Variants in TMEM51 observed in about 807,000 individuals in gnomAD.
TMEM51 encodes transmembrane protein 51.
In TMEM51, 8 loss-of-function variants were observed where a neutral mutation model predicts 13.6. The observed-to-expected ratio is 0.59, with a 90% CI of 0.35 to 1.07. TMEM51 has a LOEUF of 1.07. TMEM51 is among the 50% of genes least tolerant of loss of function. The pLI, the probability that TMEM51 is intolerant of heterozygous loss-of-function variation, is 0.02. For missense variants in TMEM51, 279 were observed against 330.7 expected, an observed-to-expected ratio of 0.84 and a Z score of 1.21; for synonymous variants, 147 against 144.4, an observed-to-expected ratio of 1.02 and a Z score of -0.13.
chr1:15,204,029 C>CT lies in TMEM51; in HGVS notation c.-266-6455dup, dbSNP rs761056772. ...TAAATTCTCATCTGTGACTTCTCTC[C>CT]TTTTTTCTGCAAAATGCCCCTTGGG... On this transcript the variant is annotated intron_variant, in intron 1 of 3. Transcript: ENST00000376008. Among the ~76,000 whole-genome samples, 15 of 152,334 alleles carry CT rather than the reference C, an allele frequency of 9.8e-5. No individual in the cohort carries two copies. The East Asian group carries it at 1.2e-3, about 12-fold the overall frequency.
At chr1:15,167,835 C>G (rs115497188) in intron 1 of TMEM51, among the ~76,000 whole-genome samples, 2,989 of 152,318 alleles carry the variant, frequency 0.02, 43 homozygotes, top group South Asian at 0.031. Flanking sequence ...ATGACTCTCC[C>G]TTTCCCATAT....
At chr1:15,214,853 C>T (rs111286058) in intron 2 of TMEM51, 42 bp from the exon 3 acceptor site, 15 of 537,392 alleles carry the variant, frequency 2.8e-5, no homozygotes, top group African/African-American at 2.5e-4. Flanking sequence ...CGTCTGGAAT[C>T]GGAACTGATC....
intron 1 of TMEM51, among the ~76,000 whole-genome samples, chr1:15,199,699 G>T (rs1373505600): frequency 6.6e-6 from 1 of 152,142 alleles, no homozygotes; most frequent in African/African-American, 2.4e-5. Flanking sequence ...GCTCTGAAAT[G>T]ATATACTTTC....
intron 1 of TMEM51, among the ~76,000 whole-genome samples, chr1:15,202,838 C>T (rs1644182401): frequency 6.6e-6 from 1 of 152,158 alleles, no homozygotes; most frequent in Non-Finnish European, 1.5e-5. Context: ...TGTGCCTGTT[C>T]CCAAATTCCA....
intron 1 of TMEM51, chr1:15,164,231 C>T (rs1642905122): frequency 2.4e-6 from 1 of 412,596 alleles, no homozygotes; most frequent in African/African-American, 2.1e-5. Flanking sequence ...CGCTGGATTT[C>T]CCACTGCATT....
intron 1 of TMEM51, chr1:15,192,105 A>G: frequency 2.1e-6 from 1 of 479,058 alleles, no homozygotes; most frequent in Non-Finnish European, 4.3e-6. Context: ...GGAGAGAATC[A>G]TTTCTGACCA....
intron 1 of TMEM51, among the ~76,000 whole-genome samples, chr1:15,177,120 A>G (rs1643477554): frequency 6.6e-6 from 1 of 152,182 alleles, no homozygotes; most frequent in African/African-American, 2.4e-5. Context: ...GGACAGAGCC[A>G]TGACTCAGCA....
intron 3 of TMEM51, among the ~76,000 whole-genome samples, chr1:15,218,242 A>G (rs1644459407): frequency 6.6e-6 from 1 of 152,242 alleles, no homozygotes; most frequent in Non-Finnish European, 1.5e-5. Context: ...GGAAGATAAA[A>G]TTACAGAATA....
chr1:15,168,579 C>A, intron 1 of TMEM51: 7 of 1,304,666 alleles, frequency 5.4e-6, no homozygotes, highest in Non-Finnish European at 7.1e-6. Flanking sequence ...CTAAGAGGAA[C>A]TGTGCCTGGC....
rs536872348 is a variant in TMEM51, at chr1:15,219,481, T to C, written c.500T>C (p.Leu167Pro). 1 of 1,614,002 alleles carries C rather than the reference T, an allele frequency of 6.2e-7. No homozygotes were observed. The highest frequency in any genetic ancestry group is 8.5e-7 in the Non-Finnish European group (1 of 1,180,016). ...SLPSYESLTG[L>P]DETTPTSTRA... Reference sequence around the variant, plus strand: ...CCGTCCTATGAGTCACTGACGGGGCTCGACGAGACCACCCCCACATCCACC... The same window carrying C: ...CCGTCCTATGAGTCACTGACGGGGCCCGACGAGACCACCCCCACATCCACC... Residue 167 changes from leucine (L) to proline (P), a missense_variant, in exon 4 of 4, where the codon CTC becomes CCC. By Grantham distance (98) the Leu-to-Pro change is moderately conservative (BLOSUM62 -3). Coordinates refer to ENST00000376008, the MANE Select transcript of TMEM51 (RefSeq NM_001136218.2).
At chr1:15,171,102 T>TGCC in intron 1 of TMEM51, 1 of 692,844 alleles carries the variant, frequency 1.4e-6, no homozygotes, top group Non-Finnish European at 2.2e-6. Context: ...TCCCTCCTCC[T>TGCC]CCACCCCCCG....
intron 1 of TMEM51, among the ~76,000 whole-genome samples, chr1:15,202,570 C>A (rs1196001075): frequency 1.3e-5 from 2 of 152,090 alleles, no homozygotes; most frequent in East Asian, 3.9e-4. Flanking sequence ...GCACCTGCAT[C>A]CCTGGACTTG....
intron 3 of TMEM51, among the ~76,000 whole-genome samples, chr1:15,216,097 A>G (rs1038901301): frequency 3.9e-5 from 6 of 152,002 alleles, no homozygotes; most frequent in African/African-American, 1.4e-4. Context: ...GGAGGCCATT[A>G]CTCTTAAGTG....
At chr1:15,169,356 A>G (rs558957262) in intron 1 of TMEM51, among the ~76,000 whole-genome samples, 1 of 152,184 alleles carries the variant, frequency 6.6e-6, no homozygotes, top group South Asian at 2.1e-4. Context: ...TCTTCTTTTT[A>G]AGGAGTGAGA....
chr1:15,202,308 C>T (rs12065295), intron 1 of TMEM51, among the ~76,000 whole-genome samples: 57 of 152,336 alleles, frequency 3.7e-4, no homozygotes, highest in African/African-American at 1.3e-3. Flanking sequence ...GGTAAACAGT[C>T]TGTGCTGGCA....
intron 2 of TMEM51, among the ~76,000 whole-genome samples, chr1:15,213,534 C>T (rs1278892500): frequency 1.3e-5 from 2 of 152,154 alleles, no homozygotes; most frequent in African/African-American, 4.8e-5. Flanking sequence ...AGGGGCATTG[C>T]TTGCTCCTCC....
At position 15,207,847 on chromosome 1, in the gene TMEM51, C is replaced by T. The variant is rs557601454; in HGVS notation, c.-266-2643C>T. Among the ~76,000 whole-genome samples, 22 of 152,286 alleles carry T rather than the reference C, an allele frequency of 1.4e-4. No homozygotes were observed. The highest frequency in any genetic ancestry group is 2.8e-4 in the Non-Finnish European group (19 of 68,028). On this transcript the variant is annotated intron_variant, in intron 1 of 3. Transcript: ENST00000376008. This position sits in a 1 kb window ranked among gnomAD's most constrained non-coding sequence, Gnocchi z 4.6. ...ATTCTGCATATTTTCCTCATGTTGCCGGCAAATTATTTGCATACGGATACA... is the reference window on the plus strand; with the variant it reads ...ATTCTGCATATTTTCCTCATGTTGCTGGCAAATTATTTGCATACGGATACA...
In TMEM51 at chr1:15,215,213, G is replaced by A; in HGVS notation, c.126G>A (p.Lys42=). 6.2e-6 allele frequency: 10 copies of A among 1,614,234 alleles called. No homozygotes were observed. The highest frequency in any genetic ancestry group is 8.5e-6 in the Non-Finnish European group (10 of 1,180,038). Residue 42 remains lysine (K), a synonymous_variant, in exon 3 of 4, where the codon AAG becomes AAA. Coordinates refer to ENST00000376008, the MANE Select transcript of TMEM51 (RefSeq NM_001136218.2). ...TACCCGGCTTCAGCGCGGCCGAGAAGCCAACAGCTCAGGGCAGCAACAAGA... is the reference window on the plus strand; with the variant it reads ...TACCCGGCTTCAGCGCGGCCGAGAAACCAACAGCTCAGGGCAGCAACAAGA... ...NLVPGFSAAE[K]PTAQGSNKTE... is the part of the protein sequence containing the mutation.
intron 1 of TMEM51, among the ~76,000 whole-genome samples, chr1:15,185,403 CAGGAAGA>C (rs1643744501): frequency 6.6e-6 from 1 of 152,190 alleles, no homozygotes; most frequent in South Asian, 2.1e-4. Context: ...AATTTCAGTG[CAGGAAGA>C]AATGTTGGGA....
Sources: gnomAD v4.1 joint callset for allele counts (sites outside exome capture counted in the v4.1 genomes callset) on GRCh38, gnomAD v4.1.1 for gene constraint, Gnocchi (gnomAD v3.1) non-coding constraint, MANE v1.5 for transcripts, NCBI Gene and HGNC (gene_info 2026-07-23, HGNC 2026-07-21) for gene names.